Variants in KPNA1 observed in about 807,000 individuals in gnomAD.
The protein encoded by KPNA1 is importin subunit alpha-5.
A neutral mutation model predicts 70.5 loss-of-function variants in KPNA1; 10 were observed. That is an observed-to-expected ratio of 0.14 (90% CI 0.09 to 0.24). KPNA1 has a LOEUF of 0.24. Among genes scored for constraint, KPNA1 ranks in the 10% least tolerant of loss-of-function variants. The pLI is 1.00. For synonymous variants in KPNA1, 192 were observed against 221.9 expected (o/e 0.87, Z 1.20); for missense variants, 397 against 637.9 (o/e 0.62, Z 4.07).
intron 2 of KPNA1, among the ~76,000 whole-genome samples, chr3:122,487,401 A>G (rs2076641645): frequency 6.6e-6 from 1 of 152,252 alleles, no homozygotes. Flanking sequence ...TAGACATCCC[A>G]CTTACGTGTA....
Position 122,513,267 on chromosome 3 carries a change from A to G in KPNA1, c.-6+1490T>C, listed in dbSNP as rs185236748. 1.2e-3 allele frequency among the ~76,000 whole-genome samples: 183 copies of G among 152,342 alleles called. 2 individuals are homozygous for G. The highest frequency in any genetic ancestry group is 3.9e-3 in the African/African-American group (162 of 41,590). ...AGATACTTCAGATTCAAATGTTTTT[A>G]ATATATGTAAAGCATTTAACACAAT... On this transcript the variant is annotated intron_variant, in intron 1 of 13. Coordinates refer to ENST00000344337, the MANE Select transcript of KPNA1 (RefSeq NM_002264.4).
intron 1 of KPNA1, among the ~76,000 whole-genome samples, chr3:122,501,812 G>A (rs1208403976): frequency 1.3e-5 from 2 of 152,026 alleles, no homozygotes; most frequent in East Asian, 3.9e-4. Flanking sequence ...CTGAAAGTGG[G>A]GTACTAAAGC....
chr3:122,427,515 C>T (rs2075838302), intron 13 of KPNA1, 23 bp downstream of exon 13: 1 of 1,600,538 alleles, frequency 6.2e-7, no homozygotes, highest in East Asian at 2.2e-5. Context: ...TGGCCATAAA[C>T]TTCTTCAACC....
chr3:122,499,563 G>A (rs1183826377), intron 1 of KPNA1, among the ~76,000 whole-genome samples: 1 of 151,778 alleles, frequency 6.6e-6, no homozygotes, highest in Non-Finnish European at 1.5e-5. Context: ...GATCAGACTG[G>A]GCAACATGGT....
intron 1 of KPNA1, among the ~76,000 whole-genome samples, chr3:122,507,804 C>T (rs1186284095): frequency 1.3e-5 from 2 of 151,248 alleles, no homozygotes; most frequent in Admixed American, 6.6e-5. Flanking sequence ...ATAAAGGGTT[C>T]GTTCCCTCAG....
At chr3:122,431,517 A>C (rs112099979) in intron 12 of KPNA1, among the ~76,000 whole-genome samples, 111 of 152,338 alleles carry the variant, frequency 7.3e-4, no homozygotes, top group African/African-American at 2.1e-3. Flanking sequence ...CTGCAACAAG[A>C]AGCAGCAGAA....
intron 1 of KPNA1, among the ~76,000 whole-genome samples, chr3:122,505,973 A>C (rs2076886187): frequency 6.6e-6 from 1 of 152,242 alleles, no homozygotes; most frequent in Non-Finnish European, 1.5e-5. Flanking sequence ...TCAATGGATA[A>C]GGAACTACAA....
intron 5 of KPNA1, chr3:122,459,850 G>A (rs2076303711): frequency 3.0e-6 from 3 of 985,434 alleles, no homozygotes; most frequent in Non-Finnish European, 3.6e-6. Flanking sequence ...GAGAAAGAAG[G>A]GATAGGAGGA....
chr3:122,458,564 G>A (rs1255010191), intron 5 of KPNA1, among the ~76,000 whole-genome samples: 1 of 152,190 alleles, frequency 6.6e-6, no homozygotes, highest in Non-Finnish European at 1.5e-5. Context: ...TTAGTGAGCT[G>A]AGCCATCAAA....
intron 2 of KPNA1, among the ~76,000 whole-genome samples, chr3:122,486,497 T>A (rs2076630453): frequency 1.3e-5 from 2 of 152,180 alleles, no homozygotes; most frequent in South Asian, 4.1e-4. Flanking sequence ...GAGATGAATA[T>A]GTTCACAACT....
intron 10 of KPNA1, among the ~76,000 whole-genome samples, chr3:122,440,377 G>T (rs1193321133): frequency 1.3e-5 from 2 of 152,168 alleles, no homozygotes; most frequent in Non-Finnish European, 2.9e-5. Context: ...CAGAGCAAGG[G>T]GTAGCAGTGG....
At chr3:122,463,117 C>T (rs2076342612) in intron 4 of KPNA1, among the ~76,000 whole-genome samples, 1 of 151,722 alleles carries the variant, frequency 6.6e-6, no homozygotes, top group South Asian at 2.1e-4. Context: ...TTTGGGAGGC[C>T]GAGGCAGGAG....
At chr3:122,463,278 G>A (rs551015627) in intron 4 of KPNA1, among the ~76,000 whole-genome samples, 153 of 151,912 alleles carry the variant, frequency 1.0e-3, no homozygotes, top group African/African-American at 3.6e-3. Context: ...AACCCGGGAG[G>A]CGGCGCTTGC....
chr3:122,461,164 C>G (rs56074178), intron 5 of KPNA1, 60 bp downstream of exon 5: 159,755 of 1,077,920 alleles, frequency 0.15, 13,081 homozygotes, highest in East Asian at 0.33. Context: ...AATTTGTGTA[C>G]AAAATAAAAA....
chr3:122,446,706 C>A (rs1305972425), intron 9 of KPNA1, among the ~76,000 whole-genome samples: 2 of 152,186 alleles, frequency 1.3e-5, no homozygotes, highest in East Asian at 3.9e-4. Context: ...ACACAAAAAA[C>A]CCTTCAAAAA....
intron 2 of KPNA1, among the ~76,000 whole-genome samples, chr3:122,480,450 A>G (rs981364703): frequency 6.6e-6 from 1 of 152,020 alleles, no homozygotes; most frequent in African/African-American, 2.4e-5. Flanking sequence ...AAAAAAAAAA[A>G]ATTAATTAAG....
intron 1 of KPNA1, among the ~76,000 whole-genome samples, chr3:122,513,708 GTTTA>G (rs1422318224): frequency 4.6e-5 from 7 of 151,852 alleles, no homozygotes; most frequent in Admixed American, 1.3e-4. Context: ...TTAAGCAACC[GTTTA>G]TTTAAGAAAA....
At chr3:122,442,266 T>C in intron 9 of KPNA1, 150 bp from the exon 10 acceptor site, 1 of 622,944 alleles carries the variant, frequency 1.6e-6, no homozygotes, top group Admixed American at 2.8e-5. Flanking sequence ...CTTATCATGA[T>C]GATGGAATGT....
intron 1 of KPNA1, among the ~76,000 whole-genome samples, chr3:122,498,222 G>A (rs371308873): frequency 4.6e-5 from 7 of 152,304 alleles, no homozygotes; most frequent in East Asian, 3.9e-4. Context: ...AACTCCCAAT[G>A]TGATAGTGTT....
Sources: gnomAD v4.1 joint callset for allele counts (sites outside exome capture counted in the v4.1 genomes callset) on GRCh38, gnomAD v4.1.1 for gene constraint, MANE v1.5 for transcripts, NCBI Gene and HGNC (gene_info 2026-07-23, HGNC 2026-07-21) for gene names.